The following ARPC1B variants were observed in gnomAD, a reference collection of about 807,000 sequenced individuals.
ARPC1B encodes the protein actin related protein 2/3 complex subunit 1B, also known as actin-related protein 2/3 complex subunit 1B.
ARPC1B carries 29 observed loss-of-function variants against 46.0 expected under a neutral mutation model. The observed-to-expected ratio is 0.63, with a 90% CI of 0.47 to 0.86. ARPC1B has a LOEUF of 0.86. ARPC1B is among the 40% of genes least tolerant of loss of function. The probability of loss-of-function intolerance (pLI) is 0.00; values close to 1 mark genes in which losing one functional copy is unlikely to be tolerated. For missense variants in ARPC1B, 469 were observed against 529.4 expected, an observed-to-expected ratio of 0.89 and a Z score of 1.12; for synonymous variants, 201 against 213.9, an observed-to-expected ratio of 0.94 and a Z score of 0.53.
At chr7:99,388,932 ATTTTTTTTTTTTT>A (rs34650108) in intron 4 of ARPC1B, 1 of 107,012 alleles carries the variant, frequency 9.3e-6, no homozygotes, top group African/African-American at 4.1e-5. Context: ...TGCCCAGCCA[ATTTTTTTTTTTTT>A]TTTTTTTTTG....
At position 99,390,369 on chromosome 7, in the gene ARPC1B, A is replaced by AT. The variant is rs768452207; in HGVS notation, c.500+373dup. On this transcript the variant is annotated intron_variant, in intron 5 of 9. Coordinates refer to ENST00000646101, the MANE Select transcript of ARPC1B (RefSeq NM_005720.4). ...AGACTACCACGCCCAGCTAGACAGG[A>AT]TTTTTTTTTTTTTTTTGGAGACGGA... 0.011 allele frequency among the ~76,000 whole-genome samples: 1,520 copies of AT among 140,524 alleles called. 38 individuals carry two copies. The East Asian group carries it at 0.11, about 10-fold the overall frequency. The allele number at this position is 140,524 out of a possible 152,430, so 92.2% of individuals were successfully genotyped here.
intron 7 of ARPC1B, among the ~76,000 whole-genome samples, chr7:99,391,625 A>G (rs1383662320): frequency 6.6e-6 from 1 of 152,074 alleles, no homozygotes; most frequent in Non-Finnish European, 1.5e-5. Flanking sequence ...GTGCACCTGT[A>G]ATCTCATAAT....
At chr7:99,385,554 T>G (rs1794364623) in intron 1 of ARPC1B, 148 bp from the exon 2 acceptor site, 3 of 669,838 alleles carry the variant, frequency 4.5e-6, no homozygotes, top group Admixed American at 2.6e-5. Context: ...GGCTGGCCCC[T>G]GCTGCTCCTC....
In ARPC1B at chr7:99,386,742, A is replaced by T; in HGVS notation, c.122A>T (p.Lys41Ile). 6 of 1,614,126 alleles carry T rather than the reference A, an allele frequency of 3.7e-6. No homozygotes were observed. The highest frequency in any genetic ancestry group is 5.1e-6 in the Non-Finnish European group (6 of 1,180,002). ...EVHIYEKSGA[K>I]WTKVHELKEH... Reference sequence around the variant, plus strand: ...CATATCTATGAAAAGAGCGGTGCCAAATGGACCAAGGTGCACGAGCTCAAG... The same window carrying T: ...CATATCTATGAAAAGAGCGGTGCCATATGGACCAAGGTGCACGAGCTCAAG... The change falls in exon 3 of 10, where the codon AAA (lysine) becomes ATA (isoleucine). Residue 41 changes from lysine (K) to isoleucine (I), a missense_variant. Physicochemically the swap from Lys to Ile is moderately radical, Grantham distance 102. Coordinates refer to ENST00000646101, the MANE Select transcript of ARPC1B (RefSeq NM_005720.4).
intron 3 of ARPC1B, among the ~76,000 whole-genome samples, chr7:99,387,268 G>A (rs1223293121): frequency 6.6e-6 from 1 of 151,666 alleles, no homozygotes; most frequent in African/African-American, 2.4e-5. Flanking sequence ...ATGACTAAAT[G>A]TTGAAAAATA....
intron 1 of ARPC1B, among the ~76,000 whole-genome samples, chr7:99,376,727 A>T (rs1474887261): frequency 6.6e-6 from 1 of 152,078 alleles, no homozygotes; most frequent in Non-Finnish European, 1.5e-5. Flanking sequence ...AAAATTAGCC[A>T]GGTGTGGTGG....
rs923962230 is a variant in ARPC1B at position 99,385,974 on chromosome 7, G to C, written c.64+196G>C. Among the ~76,000 whole-genome samples, 3 of 152,354 alleles carry C rather than the reference G, an allele frequency of 2.0e-5. No individual in the cohort carries two copies. The East Asian group carries it at 5.8e-4, about 29-fold the overall frequency. On this transcript the variant is annotated intron_variant, in intron 2 of 9. Transcript: ENST00000646101. ...TAAAGTTTAAGGAGGGAATGGGCCA[G>C]TTGCGGTAGCTCATGCCTGTAATCC...
At chr7:99,390,158 A>G in intron 5 of ARPC1B, 146 bp downstream of exon 5, 1 of 685,190 alleles carries the variant, frequency 1.5e-6, no homozygotes, top group Admixed American at 2.6e-5. Flanking sequence ...GCGTCGGTTG[A>G]AGGTTCTAGT....
chr7:99,390,008 T>A lies in ARPC1B; in HGVS notation c.496T>A (p.Cys166Ser), dbSNP rs1259951589. 4.3e-6 allele frequency: 7 copies of A among 1,613,762 alleles called. No individual in the cohort carries two copies. The Admixed American group carries it at 1.2e-4, about 27-fold the overall frequency. ...LLAAGSCDFK[C>S]RIFSAYIKEV... ...GGCTGCCGGCTCCTGTGACTTCAAG[T>A]GTCGGTGAGACAGGGCGCCATGGGG... The change falls in exon 5 of 10, where the codon TGT becomes AGT. Residue 166 changes from cysteine (C) to serine (S), a missense_variant. By Grantham distance (112) the Cys-to-Ser change is moderately radical (BLOSUM62 -1). Transcript: ENST00000646101.
chr7:99,381,577 T>TGA (rs1430542282), intron 1 of ARPC1B, among the ~76,000 whole-genome samples: 1 of 152,142 alleles, frequency 6.6e-6, no homozygotes, highest in Non-Finnish European at 1.5e-5. Context: ...GGAGGAAACA[T>TGA]GAGGTCCCTG....
intron 8 of ARPC1B, 120 bp from the exon 9 acceptor site, chr7:99,393,909 C>T (rs961370359): frequency 1.0e-6 from 1 of 958,478 alleles, no homozygotes; most frequent in Non-Finnish European, 1.7e-6. Context: ...CACTACACCC[C>T]CTCGGTACTT....
intron 3 of ARPC1B, among the ~76,000 whole-genome samples, chr7:99,387,392 C>T (rs924977348): frequency 6.6e-6 from 1 of 152,082 alleles, no homozygotes; most frequent in East Asian, 1.9e-4. Flanking sequence ...TGAGATTGCA[C>T]CACTGCACTC....
At chr7:99,391,404 G>A in intron 7 of ARPC1B, 151 bp downstream of exon 7, 2 of 846,702 alleles carry the variant, frequency 2.4e-6, no homozygotes, top group South Asian at 3.4e-5. Flanking sequence ...AGAACAGGTT[G>A]GGTTATGCTG....
rs919733670 is a variant in ARPC1B at position 99,375,340 on chromosome 7, G to T, written c.-14+559G>T. Among the ~76,000 whole-genome samples the T allele has an allele frequency of 3.9e-5, 6 of 152,138 alleles. No homozygotes were observed. In the East Asian group the frequency reaches 1.2e-3, roughly 29 times the overall value. On this transcript the variant is annotated intron_variant, in intron 1 of 9. Coordinates refer to ENST00000646101, the MANE Select transcript of ARPC1B (RefSeq NM_005720.4). ...CCTGCCGCCCCGCCCCTGCCCTCCT[G>T]GCCGCTCCCGCTGCTCCCACCCGCC...
At chr7:99,385,199 G>A (rs1472258784) in intron 1 of ARPC1B, among the ~76,000 whole-genome samples, 4 of 150,238 alleles carry the variant, frequency 2.7e-5, no homozygotes, top group East Asian at 2.0e-4. Context: ...CAAGTGATCC[G>A]CCTGCCTCGA....
At chr7:99,378,340 T>G (rs1409904011) in intron 1 of ARPC1B, among the ~76,000 whole-genome samples, 1 of 151,310 alleles carries the variant, frequency 6.6e-6, no homozygotes, top group Non-Finnish European at 1.5e-5. Context: ...CCCAAAATGG[T>G]GGGATTACAG....
chr7:99,392,885 G>C lies in ARPC1B; in HGVS notation c.989+9G>C, dbSNP rs759317512. 24 of 1,530,676 alleles carry C rather than the reference G, an allele frequency of 1.6e-5. 1 individual carries two copies. Among genetic ancestry groups the C allele is most frequent in the South Asian group, 1.2e-4 (10 of 83,172 alleles). The allele number at this position is 1,530,676 out of a possible 1,614,324, so 94.8% of individuals were successfully genotyped here. A position where few individuals can be genotyped will look rare whatever the true frequency, so the allele number is the denominator to read the frequency against. ...CACAAGAACAGCGTCAGGTGAGAGC[G>C]GGAGCCGGGCCGGCGGGTGGGCGGG... On this transcript the variant is annotated intron_variant, in intron 8 of 9. Transcript: ENST00000646101.
rs1012455615 is a variant in ARPC1B, at chr7:99,385,903, C to A, written c.64+125C>A. 5.1e-6 allele frequency: 5 copies of A among 984,684 alleles called. No individual in the cohort carries two copies. The East Asian group carries it at 1.0e-4, about 21-fold the overall frequency. The allele number at this position is 984,684 out of a possible 1,614,324, so 61.0% of individuals were successfully genotyped here. A position where few individuals can be genotyped will look rare whatever the true frequency, so the allele number is the denominator to read the frequency against. On this transcript the variant is annotated intron_variant, in intron 2 of 9. Transcript: ENST00000646101. ...ACCATGGGCTCCATGTGGCTGTCCCCTGGCCTCACCCCTGGGTCTTCCAGC... is the reference window on the plus strand; with the variant it reads ...ACCATGGGCTCCATGTGGCTGTCCCATGGCCTCACCCCTGGGTCTTCCAGC...
chr7:99,377,635 T>C (rs117370443), intron 1 of ARPC1B, among the ~76,000 whole-genome samples: 9,417 of 149,744 alleles, frequency 0.063, 390 homozygotes, highest in African/African-American at 0.12. Flanking sequence ...TCTTCTTCTT[T>C]TTTTTTTTTA....
Sources: allele counts gnomAD v4.1 joint callset (sites outside exome capture counted in the v4.1 genomes callset), GRCh38; gene constraint gnomAD v4.1.1; transcripts MANE v1.5; gene names NCBI Gene and HGNC (gene_info 2026-07-23, HGNC 2026-07-21).